Variants in WNT5B observed in about 807,000 individuals in gnomAD.
The protein encoded by WNT5B is Wnt family member 5B, also known as protein Wnt-5b.
In WNT5B, 18 loss-of-function variants were observed where a neutral mutation model predicts 36.5. The observed-to-expected ratio is 0.49, with a 90% confidence interval of 0.34 to 0.73. The LOEUF is 0.73. WNT5B is among the 30% of genes least tolerant of loss of function. WNT5B has a pLI of 0.01. For missense variants in WNT5B, 424 were observed against 508.4 expected, an observed-to-expected ratio of 0.83 and a Z score of 1.60; for synonymous variants, 213 against 212.3, an observed-to-expected ratio of 1.00 and a Z score of -0.03.
intron 3 of WNT5B, among the ~76,000 whole-genome samples, chr12:1,634,676 C>A: frequency 6.6e-6 from 1 of 152,152 alleles, no homozygotes; most frequent in Non-Finnish European, 1.5e-5. Context: ...CTCCCTTCCT[C>A]CCCCCTGAGC....
At chr12:1,623,191 T>TTTTTTG (rs1565603176) in intron 1 of WNT5B, among the ~76,000 whole-genome samples, 1 of 106,244 alleles carries the variant, frequency 9.4e-6, no homozygotes, top group Non-Finnish European at 1.9e-5. Flanking sequence ...TTTGTTGTTT[T>TTTTTTG]TTTTTTTTTT....
At chr12:1,636,360 C>G (rs1391476003) in intron 3 of WNT5B, among the ~76,000 whole-genome samples, 2 of 151,410 alleles carry the variant, frequency 1.3e-5, no homozygotes, top group Non-Finnish European at 2.9e-5. Context: ...CAACCCTAGG[C>G]GACCACTATT....
At chr12:1,640,127 A>G in intron 4 of WNT5B, 151 bp downstream of exon 4, 3 of 922,244 alleles carry the variant, frequency 3.3e-6, no homozygotes, top group Non-Finnish European at 4.7e-6. Context: ...TGTCCACGTT[A>G]TTGAACAAAT....
At chr12:1,645,766 T>C in intron 4 of WNT5B, 28 bp from the exon 5 acceptor site, 1 of 1,542,486 alleles carries the variant, frequency 6.5e-7, no homozygotes, top group Non-Finnish European at 8.8e-7. Flanking sequence ...GGATCCTCCT[T>C]CTTACTGCCT....
chr12:1,624,948 T>G (rs1055517364), upstream of WNT5B, among the ~76,000 whole-genome samples: 1 of 151,912 alleles, frequency 6.6e-6, no homozygotes, highest in African/African-American at 2.4e-5. Context: ...GTGGGGTTAA[T>G]CAAGCACAGT....
intron 1 of WNT5B, among the ~76,000 whole-genome samples, chr12:1,619,543 A>G (rs971446731): frequency 6.6e-6 from 1 of 152,230 alleles, no homozygotes; most frequent in Non-Finnish European, 1.5e-5. Context: ...TATTGGATTC[A>G]TCTTTGGTTA....
upstream of WNT5B, among the ~76,000 whole-genome samples, chr12:1,625,344 A>G (rs28384799): frequency 0.014 from 2,058 of 152,256 alleles, 30 homozygotes; most frequent in South Asian, 0.06. Context: ...GGAAATTGGG[A>G]AGGAAATGAG....
upstream of WNT5B, among the ~76,000 whole-genome samples, chr12:1,626,065 A>C (rs1295993681): frequency 1.3e-5 from 2 of 149,526 alleles, no homozygotes. Flanking sequence ...TACAGCCTTG[A>C]ACTCCTGGGC....
At chr12:1,638,340 G>T (rs2094566221) in intron 3 of WNT5B, among the ~76,000 whole-genome samples, 1 of 152,224 alleles carries the variant, frequency 6.6e-6, no homozygotes, top group Non-Finnish European at 1.5e-5. Flanking sequence ...TGTGTTCTTA[G>T]GAGTGGAATT....
At chr12:1,638,030 C>T (rs913193839) in intron 3 of WNT5B, among the ~76,000 whole-genome samples, 5 of 152,164 alleles carry the variant, frequency 3.3e-5, no homozygotes, top group South Asian at 2.1e-4. Context: ...GGGCGGATCA[C>T]GAGGTCAGGA....
chr12:1,639,762 G>A lies in WNT5B; in HGVS notation c.407G>A (p.Gly136Asp). ...VNAISRACRE[G>D]ELSTCGCSRT... ...GCCATCAGCCGGGCCTGCCGCGAGG[G>A]CGAGCTCTCCACCTGCGGCTGCAGC... The change falls in exon 4 of 5, where the codon GGC (glycine) becomes GAC (aspartate). Residue 136 changes from glycine to aspartate, a missense_variant. Coordinates refer to ENST00000397196, the MANE Select transcript of WNT5B (RefSeq NM_032642.3). 2 of 1,607,924 alleles carry A rather than the reference G, an allele frequency of 1.2e-6. No individual in the cohort carries two copies. Among genetic ancestry groups the A allele is most frequent in the Non-Finnish European group, 1.7e-6 (2 of 1,177,120 alleles).
Position 1,632,811 on chromosome 12 carries a change from T to A in WNT5B, c.234T>A (p.Thr78=). ...CCTACATAGGGGAGGGAGCCAAGAC[T>A]GGCATCAAGGAATGCCAGCACCAGT... is the stretch of plus-strand genomic sequence containing the variant. ...HMAYIGEGAK[T]GIKECQHQFR... Residue 78 remains threonine, a synonymous_variant, in exon 3 of 5, where the codon ACT becomes ACA. Transcript: ENST00000397196. The surrounding 1 kb of genome is among the most constrained non-coding windows in gnomAD (Gnocchi z 5.8). 1.9e-6 allele frequency: 3 copies of A among 1,614,150 alleles called. No homozygotes were observed. The highest frequency in any genetic ancestry group is 1.7e-4 in the Middle Eastern group (1 of 6,060).
At chr12:1,626,130 A>C (rs2094540696), upstream of WNT5B, among the ~76,000 whole-genome samples, 1 of 151,022 alleles carries the variant, frequency 6.6e-6, no homozygotes, top group African/African-American at 2.4e-5. Context: ...GGCTAACTTT[A>C]GATTTTTTTG....
Position 1,629,573 on chromosome 12 carries a change from C to A in WNT5B, c.-58+202C>A, listed in dbSNP as rs1044843842. On this transcript the variant is annotated intron_variant, in intron 1 of 4. Coordinates refer to ENST00000397196, the MANE Select transcript of WNT5B (RefSeq NM_032642.3). ...GGAGGAGGCTGGAGAAGCAGGAGGG[C>A]ACGGGCGGCCCTAGCTCTGCAACCC... Among the ~76,000 whole-genome samples the A allele has an allele frequency of 2.6e-5, 4 of 152,028 alleles. No individual in the cohort carries two copies. In the East Asian group the frequency reaches 7.8e-4, roughly 29 times the overall value.
Position 1,646,962 on chromosome 12 carries a change from A to T in WNT5B, c.*710A>T, listed in dbSNP as rs1162163346. 1 of 152,226 alleles carries T rather than the reference A, an allele frequency of 6.6e-6. No homozygotes were observed. The allele number at this position is 152,226 out of a possible 1,614,324, so 9.4% of individuals were successfully genotyped here. A position where few individuals can be genotyped will look rare whatever the true frequency, so the allele number is the denominator to read the frequency against. ...AGGGGGCCATTTGACCTGACATGTC[A>T]GGAAAGCCCTAAACTGAATGTTTGC... On this transcript the variant is annotated 3_prime_UTR_variant, in exon 5 of 5. Coordinates refer to ENST00000397196, the MANE Select transcript of WNT5B (RefSeq NM_032642.3).
Position 1,646,407 on chromosome 12 carries a change from C to T in WNT5B, c.*155C>T, listed in dbSNP as rs990345966. On this transcript the variant is annotated 3_prime_UTR_variant, in exon 5 of 5. Transcript: ENST00000397196. Reference sequence around the variant, plus strand: ...GGAAAGGAAGAGCTTATTTAAGAGACGCTGGAGATCTCTGAGGAGTGGACT... The same window carrying T: ...GGAAAGGAAGAGCTTATTTAAGAGATGCTGGAGATCTCTGAGGAGTGGACT... 52 of 620,236 alleles carry T rather than the reference C, an allele frequency of 8.4e-5. No individual in the cohort carries two copies. The highest frequency in any genetic ancestry group is 1.1e-3 in the Middle Eastern group (2 of 1,896). The allele number at this position is 620,236 out of a possible 1,614,324, so 38.4% of individuals were successfully genotyped here.
intron 3 of WNT5B, among the ~76,000 whole-genome samples, chr12:1,637,476 G>A (rs2154439686): frequency 6.6e-6 from 1 of 151,748 alleles, no homozygotes; most frequent in East Asian, 1.9e-4. Flanking sequence ...GGTGGCTCAC[G>A]CCTGAAATCC....
chr12:1,640,863 C>T (rs1377660347), intron 4 of WNT5B, among the ~76,000 whole-genome samples: 2 of 152,220 alleles, frequency 1.3e-5, no homozygotes, highest in African/African-American at 4.8e-5. Flanking sequence ...TTCTGCATAG[C>T]CAGTGTTGAC....
chr12:1,640,716 G>T lies in WNT5B; in HGVS notation c.621+740G>T, dbSNP rs964700977. On this transcript the variant is annotated intron_variant, in intron 4 of 4. Transcript: ENST00000397196. Reference sequence around the variant, plus strand: ...ATGCTGGAAAGCGTGAACCCTCTCTGCCTGCACCTTGTTCCTGAAAACCCC... The same window carrying T: ...ATGCTGGAAAGCGTGAACCCTCTCTTCCTGCACCTTGTTCCTGAAAACCCC... Among the ~76,000 whole-genome samples, 12 of 152,192 alleles carry T rather than the reference G, an allele frequency of 7.9e-5. 1 individual carries two copies. Among genetic ancestry groups the T allele is most frequent in the Admixed American group, 6.5e-4 (10 of 15,272 alleles).
Sources: gnomAD v4.1 joint callset for allele counts (sites outside exome capture counted in the v4.1 genomes callset) on GRCh38, gnomAD v4.1.1 for gene constraint, Gnocchi (gnomAD v3.1) non-coding constraint, MANE v1.5 for transcripts, NCBI Gene and HGNC (gene_info 2026-07-23, HGNC 2026-07-21) for gene names.